The following KCNH8 variants were observed in gnomAD, a reference collection of about 807,000 sequenced individuals.
KCNH8 encodes voltage-gated delayed rectifier potassium channel KCNH8.
In KCNH8, 70 loss-of-function variants were observed where a neutral mutation model predicts 103.6. The observed-to-expected ratio is 0.68, with a 90% CI of 0.56 to 0.82. The LOEUF (loss-of-function observed/expected upper bound fraction) is 0.82, where lower values mean the gene tolerates loss of function less well. Among genes scored for constraint, KCNH8 ranks in the 40% least tolerant of loss-of-function variants. The pLI is 0.00. For missense variants in KCNH8, 1,217 were observed against 1,329.9 expected (o/e 0.92, Z 1.32); for synonymous variants, 498 against 489.4 (o/e 1.02, Z -0.23).
intron 7 of KCNH8, among the ~76,000 whole-genome samples, chr3:19,407,758 A>T (rs1358126801): frequency 6.6e-6 from 1 of 152,128 alleles, no homozygotes; most frequent in African/African-American, 2.4e-5. Flanking sequence ...ATCTTGGTGC[A>T]GGGGTGCTGT....
chr3:19,535,595 C>A lies in KCNH8; in HGVS notation c.*1496C>A, dbSNP rs1353574441. On this transcript the variant is annotated 3_prime_UTR_variant, in exon 16 of 16. Transcript: ENST00000328405. ...ATTCTGGAGTTCTCTTTATTTTCCA[C>A]CACAAAAAATAATCTGAGAATTGTA... 6.6e-6 allele frequency: 1 copy of A among 152,108 alleles called. No homozygotes were observed. Among genetic ancestry groups the A allele is most frequent in the Admixed American group, 6.5e-5 (1 of 15,270 alleles). The allele number at this position is 152,108 out of a possible 1,614,324, so 9.4% of individuals were successfully genotyped here.
chr3:19,533,896 T>A lies in KCNH8; in HGVS notation c.3121T>A (p.Ser1041Thr). The A allele has an allele frequency of 6.2e-7, 1 of 1,614,180 alleles. No homozygotes were observed. Among genetic ancestry groups the A allele is most frequent in the Non-Finnish European group, 8.5e-7 (1 of 1,180,036 alleles). Residue 1041 changes from serine (S) to threonine (T), a missense_variant, in exon 16 of 16, where the codon TCT becomes ACT. Ser to Thr is a moderately conservative substitution (Grantham distance 58). This residue lies in a region of KCNH8 where 558 missense variants were observed against 495.8 expected (regional missense o/e 1.13). Coordinates refer to ENST00000328405, the MANE Select transcript of KCNH8 (RefSeq NM_144633.3). ...SSSVCSSSET[S>T]LHLVLPSRSE... ...TTCTGTCTGCTCCTCTTCGGAAACA[T>A]CTTTGCACCTAGTTCTCCCAAGCAG... is the stretch of plus-strand genomic sequence containing the variant.
At chr3:19,521,345 C>T (rs2068967745) in intron 15 of KCNH8, among the ~76,000 whole-genome samples, 1 of 151,890 alleles carries the variant, frequency 6.6e-6, no homozygotes, top group Admixed American at 6.6e-5. Flanking sequence ...GTTTACTTTC[C>T]CTAAGCTTAG....
At chr3:19,531,937 TAC>T (rs1164007747) in intron 15 of KCNH8, among the ~76,000 whole-genome samples, 2 of 152,200 alleles carry the variant, frequency 1.3e-5, no homozygotes, top group Non-Finnish European at 2.9e-5. Context: ...TTTATAAAAA[TAC>T]AAAGTATTAT....
Position 19,534,183 on chromosome 3 carries a change from T to C in KCNH8, c.*84T>C, listed in dbSNP as rs1360303782. 2 of 1,005,500 alleles carry C rather than the reference T, an allele frequency of 2.0e-6. No individual in the cohort carries two copies. Among genetic ancestry groups the C allele is most frequent in the Non-Finnish European group, 1.5e-6 (1 of 678,536 alleles). 62.3% of individuals were successfully genotyped at this position (1,005,500 alleles called of 1,614,324 possible). On this transcript the variant is annotated 3_prime_UTR_variant, in exon 16 of 16. Transcript: ENST00000328405. ...TTTGCCTTTTTGCCTCTGGTGGGCATGAAGACTGAGCAAAGCTGGGAATCC... is the reference window on the plus strand; with the variant it reads ...TTTGCCTTTTTGCCTCTGGTGGGCACGAAGACTGAGCAAAGCTGGGAATCC...
chr3:19,535,631 T>C lies in KCNH8; in HGVS notation c.*1532T>C, dbSNP rs2069249054. ...AATCTGAGAATTGTATCATTAAAAG[T>C]ATCTAAACACACCAAGACTTCTGAT... On this transcript the variant is annotated 3_prime_UTR_variant, in exon 16 of 16. Coordinates refer to ENST00000328405, the MANE Select transcript of KCNH8 (RefSeq NM_144633.3). 1 of 152,222 alleles carries C rather than the reference T, an allele frequency of 6.6e-6. No individual in the cohort carries two copies. The highest frequency in any genetic ancestry group is 2.4e-5 in the African/African-American group (1 of 41,472). The allele number at this position is 152,222 out of a possible 1,614,324, so 9.4% of individuals were successfully genotyped here.
In KCNH8 at chr3:19,184,379, A is replaced by G. The variant is rs576670569; in HGVS notation, c.76+35584A>G. ...ATAGCTATGTGACAACAGTATAAAAAGAAGCATAGTAATAATAAACACAGC... is the reference window on the plus strand; with the variant it reads ...ATAGCTATGTGACAACAGTATAAAAGGAAGCATAGTAATAATAAACACAGC... On this transcript the variant is annotated intron_variant, in intron 1 of 15. Coordinates refer to ENST00000328405, the MANE Select transcript of KCNH8 (RefSeq NM_144633.3). 2.1e-3 allele frequency among the ~76,000 whole-genome samples: 321 copies of G among 152,126 alleles called. 2 individuals are homozygous for G. Among genetic ancestry groups the G allele is most frequent in the African/African-American group, 7.4e-3 (306 of 41,540 alleles).
intron 11 of KCNH8, among the ~76,000 whole-genome samples, chr3:19,493,042 T>G (rs188679876): frequency 6.6e-6 from 1 of 152,282 alleles, no homozygotes; most frequent in East Asian, 1.9e-4. Context: ...TATTGGTGTA[T>G]AGAAATGCTA....
At chr3:19,365,586 T>C (rs1396051647) in intron 5 of KCNH8, among the ~76,000 whole-genome samples, 1 of 152,074 alleles carries the variant, frequency 6.6e-6, no homozygotes, top group African/African-American at 2.4e-5. Flanking sequence ...ATGAAAAATA[T>C]ATTTATTTAC....
chr3:19,457,252 T>C (rs2067547875), intron 11 of KCNH8, among the ~76,000 whole-genome samples: 1 of 151,974 alleles, frequency 6.6e-6, no homozygotes, highest in South Asian at 2.1e-4. Context: ...CTACAATCCA[T>C]TTCAGTTATA....
chr3:19,164,552 A>G (rs2063263974), intron 1 of KCNH8, among the ~76,000 whole-genome samples: 1 of 152,198 alleles, frequency 6.6e-6, no homozygotes, highest in African/African-American at 2.4e-5. Flanking sequence ...TAAGTAGTGA[A>G]GCTGGAATCT....
In KCNH8 at chr3:19,148,609, G is replaced by T. The variant is rs1210851271; in HGVS notation, c.-111G>T. 2 of 1,029,386 alleles carry T rather than the reference G, an allele frequency of 1.9e-6. No individual in the cohort carries two copies. The highest frequency in any genetic ancestry group is 1.5e-6 in the Non-Finnish European group (1 of 650,020). The allele number at this position is 1,029,386 out of a possible 1,614,324, so 63.8% of individuals were successfully genotyped here. ...CCTGCTCGGCCCCGCCGTCAGGCCG[G>T]GTCCCCCTTCCCTGCCGTCATCAGG... On this transcript the variant is annotated 5_prime_UTR_variant, in exon 1 of 16. Coordinates refer to ENST00000328405, the MANE Select transcript of KCNH8 (RefSeq NM_144633.3).
At chr3:19,459,864 T>C (rs1320786422) in intron 11 of KCNH8, among the ~76,000 whole-genome samples, 1 of 152,152 alleles carries the variant, frequency 6.6e-6, no homozygotes, top group African/African-American at 2.4e-5. Context: ...TTTTCTATCT[T>C]CTAGAACATT....
intron 1 of KCNH8, among the ~76,000 whole-genome samples, chr3:19,162,037 C>G (rs1012641658): frequency 6.6e-6 from 1 of 152,012 alleles, no homozygotes; most frequent in African/African-American, 2.4e-5. Context: ...AAGTGTTCAA[C>G]AAAGTTATTA....
At chr3:19,234,686 G>A (rs1371998146) in intron 1 of KCNH8, among the ~76,000 whole-genome samples, 1 of 342 alleles carries the variant, frequency 2.9e-3, no homozygotes, top group Non-Finnish European at 8.1e-3. Flanking sequence ...CCAGAAAGGG[G>A]CTCCACAGTG....
At chr3:19,227,733 C>G (rs550270441) in intron 1 of KCNH8, among the ~76,000 whole-genome samples, 1 of 152,068 alleles carries the variant, frequency 6.6e-6, no homozygotes, top group Non-Finnish European at 1.5e-5. Context: ...ACCATGTGGT[C>G]GCAGCAATTG....
chr3:19,260,756 A>C, intron 2 of KCNH8, among the ~76,000 whole-genome samples: 1 of 146,410 alleles, frequency 6.8e-6, no homozygotes, highest in South Asian at 2.1e-4. Flanking sequence ...ATCCCCCCAA[A>C]TTTTTCTCCC....
chr3:19,272,250 A>T (rs1413647445), intron 2 of KCNH8, among the ~76,000 whole-genome samples: 3 of 152,020 alleles, frequency 2.0e-5, no homozygotes, highest in Non-Finnish European at 2.9e-5. Flanking sequence ...GCATGCAGAA[A>T]GGAGGTTTGG....
intron 5 of KCNH8, among the ~76,000 whole-genome samples, chr3:19,353,033 T>G (rs2065826753): frequency 6.6e-6 from 1 of 151,602 alleles, no homozygotes; most frequent in Non-Finnish European, 1.5e-5. Flanking sequence ...ATAGTCGCAA[T>G]AAAAATGATA....
Sources: allele counts gnomAD v4.1 joint callset (sites outside exome capture counted in the v4.1 genomes callset), GRCh38; gene constraint gnomAD v4.1.1; regional missense constraint gnomAD v4.1.1; transcripts MANE v1.5; gene names NCBI Gene and HGNC (gene_info 2026-07-23, HGNC 2026-07-21).